KDM2B: variants seen among roughly 807,000 people sequenced by gnomAD.
The protein encoded by KDM2B is lysine demethylase 2B, also known as lysine-specific demethylase 2B.
In KDM2B, 26 loss-of-function variants were observed where a neutral mutation model predicts 150.0. That is an observed-to-expected ratio of 0.17 (90% CI 0.13 to 0.24). KDM2B has a LOEUF of 0.24. Among genes scored for constraint, KDM2B ranks in the 10% least tolerant of loss-of-function variants. The pLI, the probability that KDM2B is intolerant of heterozygous loss-of-function variation, is 1.00. For synonymous variants in KDM2B, 734 were observed against 729.5 expected (o/e 1.01, Z -0.10); for missense variants, 1,265 against 1,816.9 (o/e 0.70, Z 5.52).
At chr12:121,474,459 TG>T (rs139896821) in intron 12 of KDM2B, among the ~76,000 whole-genome samples, 3,487 of 152,068 alleles carry the variant, frequency 0.023, 116 homozygotes, top group African/African-American at 0.077. Context: ...GAGCTTACAG[TG>T]AGCAGAGATC....
chr12:121,574,661 C>T (rs370241493), intron 3 of KDM2B, 68 bp from the exon 4 acceptor site: 98 of 1,418,108 alleles, frequency 6.9e-5, no homozygotes, highest in Admixed American at 1.7e-4. Context: ...ACCCTGGGCC[C>T]GGGGGGAAGC....
At chr12:121,566,491 G>A (rs148995291) in intron 4 of KDM2B, among the ~76,000 whole-genome samples, 5,527 of 152,040 alleles carry the variant, frequency 0.036, 348 homozygotes, top group African/African-American at 0.13. Flanking sequence ...GCATGGTGGC[G>A]GGTGCCTGTA....
chr12:121,420,591 C>T, the KDM2B span: 21 of 1,613,926 alleles, frequency 1.3e-5, no homozygotes, highest in Non-Finnish European at 1.6e-5. Context: ...CCGGGCTCTC[C>T]AAGGAGAGAG....
At chr12:121,535,682 C>T (rs1360421928) in intron 6 of KDM2B, among the ~76,000 whole-genome samples, 6 of 152,136 alleles carry the variant, frequency 3.9e-5, no homozygotes, top group Admixed American at 2.6e-4. Flanking sequence ...AGGCTGGGGC[C>T]GGGGAGTGAA....
chr12:121,573,674 G>A (rs553298129), intron 4 of KDM2B, among the ~76,000 whole-genome samples: 39 of 149,918 alleles, frequency 2.6e-4, no homozygotes, highest in African/African-American at 8.8e-4. Context: ...AAGCTCCGCC[G>A]CCTCCCAGGT....
Position 121,579,037 on chromosome 12 carries a change from G to C in KDM2B, c.127-91C>G. 3 of 1,407,670 alleles carry C rather than the reference G, an allele frequency of 2.1e-6. No individual in the cohort carries two copies. In the South Asian group the frequency reaches 3.8e-5, roughly 18 times the overall value. 87.2% of individuals were successfully genotyped at this position (1,407,670 alleles called of 1,614,324 possible). On this transcript the variant is annotated intron_variant, in intron 1 of 22. Coordinates refer to ENST00000377071, the MANE Select transcript of KDM2B (RefSeq NM_032590.5). ...GGGCCCAGCACTAACAGGTGCAGCA[G>C]CCGAGCGCCCCCTGCACCCCACCAT...
At chr12:121,420,942 G>C in the KDM2B span, among the ~76,000 whole-genome samples, 6 of 152,134 alleles carry the variant, frequency 3.9e-5, no homozygotes, top group African/African-American at 1.4e-4. Flanking sequence ...CTGGAAAGGA[G>C]TAACTTCATT....
At chr12:121,417,092 C>T in the KDM2B span, among the ~76,000 whole-genome samples, 1,888 of 152,328 alleles carry the variant, frequency 0.012, 46 homozygotes, top group African/African-American at 0.043. This position sits in a 1 kb window ranked among gnomAD's most constrained non-coding sequence, Gnocchi z 5.0. Flanking sequence ...AGTTGCCTTT[C>T]TCTTTCCCTG....
At chr12:121,541,512 G>A (rs917986101) in intron 6 of KDM2B, among the ~76,000 whole-genome samples, 2 of 149,728 alleles carry the variant, frequency 1.3e-5, no homozygotes, top group East Asian at 3.9e-4. Context: ...GAAAAAAAAA[G>A]AAAGCCTTGC....
intron 12 of KDM2B, among the ~76,000 whole-genome samples, chr12:121,462,798 A>G (rs1879288001): frequency 6.6e-6 from 1 of 151,850 alleles, no homozygotes; most frequent in Non-Finnish European, 1.5e-5. Context: ...GGCTGGCAAA[A>G]TTTCACTGTT....
At chr12:121,563,007 G>A (rs782564584) in intron 4 of KDM2B, among the ~76,000 whole-genome samples, 2 of 152,186 alleles carry the variant, frequency 1.3e-5, no homozygotes, top group Admixed American at 6.5e-5. Context: ...TCTCATTAGA[G>A]AGAAATCCGA....
At chr12:121,535,653 G>A (rs906166124) in intron 6 of KDM2B, among the ~76,000 whole-genome samples, 1 of 152,184 alleles carries the variant, frequency 6.6e-6, no homozygotes, top group Non-Finnish European at 1.5e-5. Context: ...AGAAGGAGGA[G>A]GAAGAACTTG....
chr12:121,528,629 AT>A (rs1887366747), intron 8 of KDM2B, among the ~76,000 whole-genome samples: 1 of 152,152 alleles, frequency 6.6e-6, no homozygotes. Flanking sequence ...GCATAGCTGA[AT>A]TCTATCAGAC....
chr12:121,539,193 C>A lies in KDM2B; in HGVS notation c.684-4603G>T, dbSNP rs868925434. 5.9e-5 allele frequency among the ~76,000 whole-genome samples: 9 copies of A among 151,698 alleles called. No individual in the cohort carries two copies. In the South Asian group the frequency reaches 1.2e-3, roughly 21 times the overall value. ...CTCGTTTCACCCCTAAGACAACCAACATAATGGTGCGCGCCTGTAGTCCCA... is the reference window on the plus strand; with the variant it reads ...CTCGTTTCACCCCTAAGACAACCAAAATAATGGTGCGCGCCTGTAGTCCCA... On this transcript the variant is annotated intron_variant, in intron 6 of 22. Transcript: ENST00000377071.
At chr12:121,554,033 CCA>C (rs56659514) in intron 4 of KDM2B, among the ~76,000 whole-genome samples, 16,915 of 121,772 alleles carry the variant, frequency 0.14, 1,072 homozygotes, top group African/African-American at 0.15. Context: ...CACCCCAGCT[CCA>C]CACACACACA....
At chr12:121,459,249 T>C (rs7134248) in intron 12 of KDM2B, among the ~76,000 whole-genome samples, 84,754 of 151,966 alleles carry the variant, frequency 0.56, 23,920 homozygotes, top group East Asian at 0.68. Flanking sequence ...TGATTTTTAA[T>C]AAGGATGCCA....
chr12:121,581,593 T>C (rs2136773350), upstream of KDM2B, among the ~76,000 whole-genome samples: 1 of 152,304 alleles, frequency 6.6e-6, no homozygotes, highest in East Asian at 1.9e-4. Context: ...GTAAAGATGC[T>C]GATAAAATGA....
chr12:121,519,656 G>C (rs999705989), intron 9 of KDM2B, among the ~76,000 whole-genome samples: 1 of 152,146 alleles, frequency 6.6e-6, no homozygotes, highest in African/African-American at 2.4e-5. Flanking sequence ...ACTGCTTGTG[G>C]GTACAAGGTT....
At chr12:121,433,900 C>T (rs1437009251) in intron 22 of KDM2B, among the ~76,000 whole-genome samples, 1 of 151,904 alleles carries the variant, frequency 6.6e-6, no homozygotes, top group South Asian at 2.1e-4. Context: ...AATACATAGG[C>T]CGGGCGCGAC....
Sources: allele counts gnomAD v4.1 joint callset (sites outside exome capture counted in the v4.1 genomes callset), GRCh38; gene constraint gnomAD v4.1.1; non-coding constraint Gnocchi (gnomAD v3.1); transcripts MANE v1.5; gene names NCBI Gene and HGNC (gene_info 2026-07-23, HGNC 2026-07-21).